The following CHLSN variants were observed in gnomAD, a reference collection of about 807,000 sequenced individuals.
CHLSN encodes the protein cholesin.
At chr7:1,104,105 C>T in the CHLSN span, among the ~76,000 whole-genome samples, 2 of 152,236 alleles carry the variant, frequency 1.3e-5, no homozygotes, top group Non-Finnish European at 2.9e-5. Context: ...CTCACACTGC[C>T]AGGCGGGACC....
chr7:1,028,718 CCCCCAATCTG>C, the CHLSN span: 1 of 657,174 alleles, frequency 1.5e-6, no homozygotes, highest in Non-Finnish European at 1.8e-6. Flanking sequence ...CCTCTCATCT[CCCCCAATCTG>C]CCCCCATAGA....
the CHLSN span, among the ~76,000 whole-genome samples, chr7:1,006,113 G>A: frequency 0.17 from 26,117 of 152,212 alleles, 2,920 homozygotes; most frequent in African/African-American, 0.33. Context: ...TGCCTCGCTC[G>A]TGTAACTACC....
the CHLSN span, among the ~76,000 whole-genome samples, chr7:1,016,664 CA>C: frequency 2.6e-5 from 2 of 77,780 alleles, no homozygotes; most frequent in African/African-American, 9.9e-5. Flanking sequence ...CACAGCAGCG[CA>C]CAGCAGCACA....
the CHLSN span, chr7:1,127,262 A>T: frequency 6.3e-7 from 1 of 1,597,434 alleles, no homozygotes; most frequent in Middle Eastern, 1.7e-4. Context: ...CTTACCTTGG[A>T]GCCGGCTCCT....
the CHLSN span, among the ~76,000 whole-genome samples, chr7:1,125,007 G>A: frequency 6.6e-6 from 1 of 152,218 alleles, no homozygotes; most frequent in African/African-American, 2.4e-5. Context: ...GTGGCAGTGA[G>A]AGACGACCCT....
At chr7:994,046 GC>G in the CHLSN span, among the ~76,000 whole-genome samples, 1 of 152,192 alleles carries the variant, frequency 6.6e-6, no homozygotes, top group African/African-American at 2.4e-5. Context: ...GTCAGGGAGG[GC>G]CCTTTGGCCT....
the CHLSN span, among the ~76,000 whole-genome samples, chr7:1,047,007 TAG>T: frequency 2.0e-5 from 3 of 152,248 alleles, no homozygotes; most frequent in African/African-American, 7.2e-5. Context: ...GAGTCTGCAG[TAG>T]AGACTCTCTG....
chr7:1,100,407 T>G, the CHLSN span, among the ~76,000 whole-genome samples: 1 of 152,226 alleles, frequency 6.6e-6, no homozygotes, highest in Non-Finnish European at 1.5e-5. Context: ...CACCTGTGGG[T>G]GCAGGCCACA....
At chr7:1,040,636 A>G in the CHLSN span, among the ~76,000 whole-genome samples, 2 of 152,020 alleles carry the variant, frequency 1.3e-5, no homozygotes, top group African/African-American at 2.4e-5. Context: ...CCTGGGAGTC[A>G]TTGAGGAATT....
At chr7:1,078,216 C>T in the CHLSN span, among the ~76,000 whole-genome samples, 3 of 152,110 alleles carry the variant, frequency 2.0e-5, no homozygotes, top group Admixed American at 6.5e-5. Flanking sequence ...GGGATTTCTG[C>T]GGCAGGGCAA....
the CHLSN span, chr7:989,102 A>C: frequency 1.6e-5 from 7 of 427,374 alleles, no homozygotes; most frequent in East Asian, 2.4e-4. Flanking sequence ...CCCACCCCTG[A>C]AGCTGCACTC....
the CHLSN span, chr7:1,127,461 G>A: frequency 7.3e-7 from 1 of 1,360,946 alleles, no homozygotes. Flanking sequence ...TAAATAAAAA[G>A]AGGTAGGGCA....
At chr7:1,093,367 G>A in the CHLSN span, 1 of 432,396 alleles carries the variant, frequency 2.3e-6, no homozygotes, top group Non-Finnish European at 4.9e-6. Context: ...GTCTGAGCTA[G>A]CTAGCGCACC....
chr7:1,079,782 G>A, the CHLSN span, among the ~76,000 whole-genome samples: 1 of 152,226 alleles, frequency 6.6e-6, no homozygotes, highest in Non-Finnish European at 1.5e-5. Flanking sequence ...CTCACCACTG[G>A]AGTCCCCGGC....
chr7:986,768 T>A, the CHLSN span: 1 of 1,595,036 alleles, frequency 6.3e-7, no homozygotes. Context: ...CGTGTGCAGC[T>A]ATGTGGACGC....
At chr7:1,058,169 G>A in the CHLSN span, 9 of 738,392 alleles carry the variant, frequency 1.2e-5, no homozygotes, top group South Asian at 2.8e-5. Flanking sequence ...GGGAGGACAC[G>A]CCCCTGGACC....
At chr7:1,016,914 GCACAGCAGCA>G in the CHLSN span, among the ~76,000 whole-genome samples, 1,620 of 76,470 alleles carry the variant, frequency 0.021, 102 homozygotes, top group African/African-American at 0.096. Flanking sequence ...ACACGCCAGC[GCACAGCAGCA>G]CACAGCAGCA....
chr7:1,105,927 G>T, the CHLSN span, among the ~76,000 whole-genome samples: 1 of 152,224 alleles, frequency 6.6e-6, no homozygotes, highest in Non-Finnish European at 1.5e-5. Context: ...TATGCTGAGA[G>T]TTCGGCCGTG....
the CHLSN span, among the ~76,000 whole-genome samples, chr7:1,049,174 T>A: frequency 6.6e-6 from 1 of 152,202 alleles, no homozygotes; most frequent in Admixed American, 6.5e-5. Flanking sequence ...ACGGGGCCCA[T>A]GTTGTTGTCA....
Sources: gnomAD v4.1 joint callset for allele counts (sites outside exome capture counted in the v4.1 genomes callset) on GRCh38, gnomAD v4.1.1 for gene constraint, MANE v1.5 for transcripts, NCBI Gene and HGNC (gene_info 2026-07-23, HGNC 2026-07-21) for gene names.